Variants in PSMA1 observed in about 807,000 individuals in gnomAD.
PSMA1 encodes the protein proteasome subunit alpha type-1.
Under a neutral mutation model 38.4 loss-of-function variants are expected in PSMA1, and 3 were observed. The observed-to-expected ratio is 0.08, with a 90% CI of 0.04 to 0.20. PSMA1 has a LOEUF of 0.20. Ranked by LOEUF, PSMA1 falls within the 10% of genes least tolerant of loss-of-function variation. The pLI is 1.00. For synonymous variants in PSMA1, 101 were observed against 107.1 expected (o/e 0.94, Z 0.35); for missense variants, 227 against 325.3 (o/e 0.70, Z 2.32).
At chr11:14,531,524 G>A (rs956030960) in intron 2 of PSMA1, among the ~76,000 whole-genome samples, 1 of 152,114 alleles carries the variant, frequency 6.6e-6, no homozygotes, top group South Asian at 2.1e-4. Context: ...GTGCAATGGC[G>A]CGAACTTAGC....
intron 2 of PSMA1, among the ~76,000 whole-genome samples, chr11:14,575,928 C>A (rs1361643768): frequency 6.6e-6 from 1 of 152,190 alleles, no homozygotes; most frequent in East Asian, 1.9e-4. Flanking sequence ...CCTGTTGTTT[C>A]CTGACTTTTT....
chr11:14,593,640 GAGAGA>G (rs1852449092), intron 2 of PSMA1, among the ~76,000 whole-genome samples: 1 of 151,556 alleles, frequency 6.6e-6, no homozygotes, highest in African/African-American at 2.4e-5. Context: ...GAGAGAGAGA[GAGAGA>G]GAGAGAGAGA....
intron 2 of PSMA1, among the ~76,000 whole-genome samples, chr11:14,565,922 T>A (rs1029026867): frequency 6.6e-6 from 1 of 152,148 alleles, no homozygotes; most frequent in South Asian, 2.1e-4. Flanking sequence ...TCTGGAGAAG[T>A]TGAAATTTGA....
rs73424206 is a variant in PSMA1 at position 14,541,214 on chromosome 11, C to T, written c.22-22173G>A. ...ATATAAAAGGCATCCTTGCATAAAA[C>T]CCTTTGACCAGATTTCACAACTCTA... On this transcript the variant is annotated intron_variant, in intron 2 of 10. Coordinates refer to the PSMA1 transcript ENST00000418988. 3.6e-3 allele frequency among the ~76,000 whole-genome samples: 543 copies of T among 152,306 alleles called. 5 individuals carry two copies. Among genetic ancestry groups the T allele is most frequent in the African/African-American group, 0.013 (523 of 41,560 alleles).
intron 2 of PSMA1, among the ~76,000 whole-genome samples, chr11:14,529,748 T>C (rs1373912573): frequency 1.3e-5 from 2 of 152,236 alleles, no homozygotes; most frequent in Admixed American, 6.5e-5. Context: ...TGGGTAAATA[T>C]ATTTCATCTG....
At chr11:14,632,301 G>T (rs1853030230) in intron 1 of PSMA1, among the ~76,000 whole-genome samples, 1 of 149,468 alleles carries the variant, frequency 6.7e-6, no homozygotes, top group Non-Finnish European at 1.5e-5. Flanking sequence ...GCAGTGGCTG[G>T]TACCGGTTGT....
chr11:14,514,307 T>C, intron 5 of PSMA1, 96 bp downstream of exon 5: 1 of 1,427,368 alleles, frequency 7.0e-7, no homozygotes. Flanking sequence ...TTCACAATCT[T>C]ACCTATGTCA....
intron 1 of PSMA1, among the ~76,000 whole-genome samples, chr11:14,632,533 T>G (rs1429903494): frequency 6.6e-6 from 1 of 150,504 alleles, no homozygotes; most frequent in South Asian, 2.1e-4. Flanking sequence ...TGCCGAGAGA[T>G]CCGCTGTTAG....
rs75476406 is a variant in PSMA1 at position 14,561,902 on chromosome 11, A to T, written c.22-42861T>A. On this transcript the variant is annotated intron_variant, in intron 2 of 10. Coordinates refer to the PSMA1 transcript ENST00000418988. ...GAAATAAAGGGCAGTGTTGAAGCTA[A>T]CAATGTATCAATCAGGGTCTAATCA... 1.9e-4 allele frequency among the ~76,000 whole-genome samples: 29 copies of T among 152,352 alleles called. No individual in the cohort carries two copies. The East Asian group carries it at 5.6e-3, about 29-fold the overall frequency.
At chr11:14,526,016 C>G (rs911029773) in intron 2 of PSMA1, among the ~76,000 whole-genome samples, 4 of 152,164 alleles carry the variant, frequency 2.6e-5, no homozygotes, top group African/African-American at 7.2e-5. Context: ...GGGTATCCCC[C>G]TCCAAAGCTC....
At chr11:14,516,174 C>A (rs1223017141) in intron 4 of PSMA1, among the ~76,000 whole-genome samples, 1 of 150,694 alleles carries the variant, frequency 6.6e-6, no homozygotes, top group East Asian at 2.0e-4. Flanking sequence ...CATACCACTG[C>A]ACTCTAGCCT....
chr11:14,513,667 T>C lies in PSMA1; in HGVS notation c.447A>G (p.Pro149=). The change falls in exon 7 of 10, where the codon CCA becomes CCG. Residue 149 remains proline (P), a synonymous_variant. Coordinates refer to ENST00000396394, the MANE Select transcript of PSMA1 (RefSeq NM_002786.4). ...DMGPHIFQTC[P]SANYFDCRAM... is the part of the protein sequence containing the mutation. ...CTCTGCAGTCAAAATAGTTAGCAGA[T>C]GGACAGGTTTGGAAAATGTGAGGGC... 1 of 1,590,920 alleles carries C rather than the reference T, an allele frequency of 6.3e-7. No homozygotes were observed. Among genetic ancestry groups the C allele is most frequent in the South Asian group, 1.2e-5 (1 of 85,666 alleles).
At chr11:14,617,177 T>A (rs1852783596) in intron 1 of PSMA1, among the ~76,000 whole-genome samples, 1 of 152,176 alleles carries the variant, frequency 6.6e-6, no homozygotes, top group Non-Finnish European at 1.5e-5. Flanking sequence ...AAGTAATTTC[T>A]CCTTCTCTGG....
At chr11:14,524,554 C>T (rs1202207234), upstream of PSMA1, among the ~76,000 whole-genome samples, 1 of 152,072 alleles carries the variant, frequency 6.6e-6, no homozygotes, top group Non-Finnish European at 1.5e-5. Context: ...CCCAAAACCT[C>T]TAAGAACTAA....
At chr11:14,530,237 C>G (rs1851632895) in intron 2 of PSMA1, among the ~76,000 whole-genome samples, 1 of 152,170 alleles carries the variant, frequency 6.6e-6, no homozygotes, top group Non-Finnish European at 1.5e-5. Context: ...TGTCCACTCA[C>G]AGCACACCAA....
At chr11:14,631,871 T>G (rs1204841378) in intron 1 of PSMA1, among the ~76,000 whole-genome samples, 2 of 149,722 alleles carry the variant, frequency 1.3e-5, no homozygotes, top group East Asian at 3.9e-4. Flanking sequence ...GCATATATAT[T>G]TAGGATAGTT....
chr11:14,642,532 T>A (rs1296772038), intron 1 of PSMA1, among the ~76,000 whole-genome samples: 1 of 152,164 alleles, frequency 6.6e-6, no homozygotes, highest in Non-Finnish European at 1.5e-5. Context: ...ACGAAAATGG[T>A]CTGTTTTAGG....
intron 2 of PSMA1, among the ~76,000 whole-genome samples, chr11:14,540,187 C>A (rs1851757801): frequency 6.6e-6 from 1 of 152,192 alleles, no homozygotes; most frequent in South Asian, 2.1e-4. Context: ...TTGCTCTCTG[C>A]ATTTGCCTGG....
chr11:14,513,489 C>T, intron 7 of PSMA1, 81 bp downstream of exon 7: 2 of 1,227,052 alleles, frequency 1.6e-6, no homozygotes, highest in East Asian at 3.1e-5. Flanking sequence ...CAGTTTTATG[C>T]ATTTAGGATA....
Sources: gnomAD v4.1 joint callset for allele counts (sites outside exome capture counted in the v4.1 genomes callset) on GRCh38, gnomAD v4.1.1 for gene constraint, MANE v1.5 for transcripts, NCBI Gene and HGNC (gene_info 2026-07-23, HGNC 2026-07-21) for gene names.